Variants in ANKFY1 observed in about 807,000 individuals in gnomAD.
ANKFY1 encodes ankyrin repeat and FYVE domain containing 1.
A neutral mutation model predicts 128.3 loss-of-function variants in ANKFY1; 47 were observed. The observed-to-expected ratio is 0.37, with a 90% CI of 0.29 to 0.47. The LOEUF (loss-of-function observed/expected upper bound fraction) is 0.47. Among genes scored for constraint, ANKFY1 ranks in the 20% least tolerant of loss-of-function variants. The pLI is 1.00. For synonymous variants in ANKFY1, 553 were observed against 601.6 expected, an observed-to-expected ratio of 0.92 and a Z score of 1.18; for missense variants, 1,222 against 1,510.6, an observed-to-expected ratio of 0.81 and a Z score of 3.17.
At position 4,174,190 on chromosome 17, in the gene ANKFY1, G is replaced by A. The variant is rs4790585; in HGVS notation, c.2776-134C>T. The A allele has an allele frequency of 0.99, 1,030,794 of 1,045,414 alleles. 509,500 individuals carry two copies. The highest frequency in any genetic ancestry group is 1 in the East Asian group (37,292 of 37,292). The allele number at this position is 1,045,414 out of a possible 1,614,324, so 64.8% of individuals were successfully genotyped here. A position where few individuals can be genotyped will look rare whatever the true frequency, so the allele number is the denominator to read the frequency against. On this transcript the variant is annotated intron_variant, in intron 19 of 24. Transcript: ENST00000341657. Reference sequence around the variant, plus strand: ...CCCTGCTGACAGAGCTGGGAGCATAGGAGCTTCACACACACTCCTGCTGAA... The same window carrying A: ...CCCTGCTGACAGAGCTGGGAGCATAAGAGCTTCACACACACTCCTGCTGAA...
intron 4 of ANKFY1, among the ~76,000 whole-genome samples, chr17:4,214,601 C>A (rs902018360): frequency 1.3e-5 from 2 of 150,734 alleles, no homozygotes; most frequent in Non-Finnish European, 2.9e-5. Flanking sequence ...TCCAGGCTCA[C>A]CACAACCTCC....
In ANKFY1 at chr17:4,217,133, A is replaced by G. The variant is rs200910841; in HGVS notation, c.323-15T>C. The G allele has an allele frequency of 4.4e-6, 7 of 1,605,070 alleles. No homozygotes were observed. The South Asian group carries it at 6.6e-5, about 15-fold the overall frequency. On this transcript the variant is annotated splice_polypyrimidine_tract_variant and intron_variant, in intron 3 of 24. Coordinates refer to ENST00000341657, the MANE Select transcript of ANKFY1 (RefSeq NM_001330063.2). ...AGGATTAGCATCTGGTTAAAGAAAGAGAGAACAACTGAAAAAGCATAGAAT... is the reference window on the plus strand; with the variant it reads ...AGGATTAGCATCTGGTTAAAGAAAGGGAGAACAACTGAAAAAGCATAGAAT...
chr17:4,245,846 T>C (rs999562541), intron 1 of ANKFY1, among the ~76,000 whole-genome samples: 4 of 150,950 alleles, frequency 2.6e-5, no homozygotes, highest in Non-Finnish European at 5.9e-5. Flanking sequence ...CAGTTCAAGA[T>C]CAGTCTGGCC....
intron 1 of ANKFY1, among the ~76,000 whole-genome samples, chr17:4,262,927 A>G (rs1968499809): frequency 6.6e-6 from 1 of 152,202 alleles, no homozygotes. Context: ...CCCAAATCTA[A>G]GATCCATCAA....
At chr17:4,193,769 C>G (rs2059761878) in intron 10 of ANKFY1, among the ~76,000 whole-genome samples, 1 of 146,798 alleles carries the variant, frequency 6.8e-6, no homozygotes, top group Admixed American at 6.9e-5. Context: ...AATTAATTTA[C>G]TTATTTTTGA....
At chr17:4,242,213 G>C in intron 2 of ANKFY1, 43 bp downstream of exon 2, 3 of 1,453,948 alleles carry the variant, frequency 2.1e-6, no homozygotes, top group Non-Finnish European at 2.7e-6. Context: ...GTGTGGCCCA[G>C]GAATAAAGCC....
chr17:4,201,335 T>C (rs768288245), intron 7 of ANKFY1, among the ~76,000 whole-genome samples: 28 of 152,336 alleles, frequency 1.8e-4, no homozygotes, highest in Middle Eastern at 3.4e-3. Flanking sequence ...CCCAGGCCGA[T>C]TGTCTCTTTT....
chr17:4,175,124 G>A (rs1250385382), intron 19 of ANKFY1, among the ~76,000 whole-genome samples: 1 of 151,178 alleles, frequency 6.6e-6, no homozygotes, highest in African/African-American at 2.4e-5. Flanking sequence ...CTTCAGCCCA[G>A]AAGTTCGAGA....
intron 3 of ANKFY1, chr17:4,222,490 G>A: frequency 1.1e-6 from 1 of 890,470 alleles, no homozygotes; most frequent in East Asian, 2.4e-5. Flanking sequence ...CCTGCCCCAG[G>A]GCAACATTTC....
chr17:4,236,824 C>T (rs892979398), intron 2 of ANKFY1, among the ~76,000 whole-genome samples: 1 of 152,072 alleles, frequency 6.6e-6, no homozygotes, highest in African/African-American at 2.4e-5. Flanking sequence ...AATACCATTA[C>T]ATGAATTAAC....
chr17:4,222,948 G>A (rs1353512820), intron 3 of ANKFY1: 9 of 1,243,432 alleles, frequency 7.2e-6, no homozygotes, highest in Non-Finnish European at 9.5e-6. Flanking sequence ...AGAGAAGAAC[G>A]ACTTGAGAAG....
chr17:4,175,808 G>C (rs1164197915), intron 19 of ANKFY1, among the ~76,000 whole-genome samples: 1 of 152,174 alleles, frequency 6.6e-6, no homozygotes, highest in East Asian at 1.9e-4. Context: ...GGAGAGAGTG[G>C]GGAAGGGGTT....
intron 3 of ANKFY1, among the ~76,000 whole-genome samples, chr17:4,221,605 C>CT (rs2060313829): frequency 6.6e-6 from 1 of 152,108 alleles, no homozygotes; most frequent in Non-Finnish European, 1.5e-5. Flanking sequence ...ATTAAATTCT[C>CT]TGAGTTTCCA....
At chr17:4,173,206 G>A (rs2059353915) in intron 21 of ANKFY1, 148 bp downstream of exon 21, 7 of 679,366 alleles carry the variant, frequency 1.0e-5, no homozygotes, top group Middle Eastern at 4.1e-4. Context: ...GGTACCAAAA[G>A]TACCAAAATA....
At chr17:4,217,196 G>C in intron 3 of ANKFY1, 78 bp from the exon 4 acceptor site, 2 of 1,532,214 alleles carry the variant, frequency 1.3e-6, no homozygotes, top group Non-Finnish European at 1.8e-6. Flanking sequence ...CCTAAAATTT[G>C]AGGCTAATAA....
intron 7 of ANKFY1, among the ~76,000 whole-genome samples, chr17:4,202,983 T>C (rs1053514522): frequency 1.3e-4 from 18 of 136,064 alleles, no homozygotes; most frequent in Admixed American, 2.8e-4. Flanking sequence ...ATCATACACA[T>C]ATATATATAT....
rs1027403276 is a variant in ANKFY1, at chr17:4,164,115, C to T, written c.*3664G>A. The T allele has an allele frequency of 6.6e-6, 1 of 152,622 alleles. No homozygotes were observed. The highest frequency in any genetic ancestry group is 6.5e-5 in the Admixed American group (1 of 15,286). The allele number at this position is 152,622 out of a possible 1,614,324, so 9.5% of individuals were successfully genotyped here. On this transcript the variant is annotated 3_prime_UTR_variant, in exon 25 of 25. Transcript: ENST00000341657. ...CAAATGTGTGCCTGCAGTTTCTGCC[C>T]AGCTACTGCCCCTCCTCTGGGATCA...
chr17:4,209,396 G>T (rs1323157033), intron 5 of ANKFY1, among the ~76,000 whole-genome samples: 1 of 152,194 alleles, frequency 6.6e-6, no homozygotes, highest in Non-Finnish European at 1.5e-5. Context: ...CGCCTCCCGG[G>T]TTTACGTGAT....
chr17:4,249,849 C>A (rs760710348), intron 1 of ANKFY1, among the ~76,000 whole-genome samples: 1 of 151,670 alleles, frequency 6.6e-6, no homozygotes, highest in Non-Finnish European at 1.5e-5. Context: ...TAAGAGTCCT[C>A]TTTGGTCACT....
Sources: allele counts gnomAD v4.1 joint callset (sites outside exome capture counted in the v4.1 genomes callset), GRCh38; gene constraint gnomAD v4.1.1; transcripts MANE v1.5; gene names NCBI Gene and HGNC (gene_info 2026-07-23, HGNC 2026-07-21).